POLA1: variants seen among roughly 807,000 people sequenced by gnomAD.
POLA1 encodes the protein DNA polymerase alpha 1, catalytic subunit, also known as DNA polymerase alpha catalytic subunit.
A neutral mutation model predicts 124.0 loss-of-function variants in POLA1; 15 were observed. The ratio of observed to expected loss-of-function variants is 0.12; its 90% CI spans 0.08 to 0.19. The LOEUF is 0.19. Ranked by LOEUF, POLA1 falls within the 10% of genes least tolerant of loss-of-function variation. The probability of loss-of-function intolerance (pLI) is 1.00; values close to 1 mark genes in which losing one functional copy is unlikely to be tolerated. For synonymous variants in POLA1, 408 were observed against 389.4 expected (o/e 1.05, Z -0.56); for missense variants, 886 against 1,103.4 (o/e 0.80, Z 2.79).
intron 26 of POLA1, among the ~76,000 whole-genome samples, chrX:24,755,600 G>T (rs1434440306): frequency 1.8e-5 from 2 of 111,699 alleles, no homozygotes; most frequent in Non-Finnish European, 3.8e-5. Context: ...CATTTGTGCT[G>T]CAGAGATCTC....
At chrX:24,788,765 T>C (rs2045425205) in intron 26 of POLA1, 1 of 1,199,567 alleles carries the variant, frequency 8.3e-7, no homozygotes, top group African/African-American at 1.8e-5. Context: ...TCCAAAGAGG[T>C]CAATGTCATC....
At chrX:24,716,279 G>T in intron 6 of POLA1, 83 bp from the exon 7 acceptor site, 1 of 518,338 alleles carries the variant, frequency 1.9e-6, no homozygotes. Flanking sequence ...TTGCTTATTG[G>T]GCTTCAATGA....
intron 35 of POLA1, among the ~76,000 whole-genome samples, chrX:24,920,124 G>A (rs755656190): frequency 4.5e-5 from 5 of 110,160 alleles, no homozygotes; most frequent in Non-Finnish European, 7.6e-5. Flanking sequence ...TGGGATTACA[G>A]GCATGAGTCA....
chrX:24,950,003 A>G (rs926957213), intron 36 of POLA1, among the ~76,000 whole-genome samples: 3 of 111,745 alleles, frequency 2.7e-5, no homozygotes, highest in African/African-American at 9.8e-5. Flanking sequence ...AAGTGCTGGG[A>G]TTACAGGTGT....
In POLA1 at chrX:24,996,080, T is replaced by C. The variant is rs2048602878; in HGVS notation, c.*130T>C. The stretch of plus-strand genomic sequence containing the variant: ...GGACTGTGTCTCATGTTTGTGTGAA[T>C]GTAGACCAGGAAAGGGGGCTGCAAA... On this transcript the variant is annotated 3_prime_UTR_variant, in exon 37 of 37. Coordinates refer to ENST00000379068, the MANE Select transcript of POLA1 (RefSeq NM_001330360.2). 3.5e-6 allele frequency: 2 copies of C among 569,362 alleles called. No homozygotes were observed. The allele number at this position is 569,362 out of a possible 1,213,427, so 46.9% of individuals were successfully genotyped here.
intron 26 of POLA1, among the ~76,000 whole-genome samples, chrX:24,809,302 C>G (rs1267534208): frequency 9.0e-6 from 1 of 111,434 alleles, no homozygotes; most frequent in Non-Finnish European, 1.9e-5. Context: ...CACGTTGTAA[C>G]CTAAATATCT....
intron 34 of POLA1, among the ~76,000 whole-genome samples, chrX:24,867,186 G>A (rs1339790796): frequency 9.0e-6 from 1 of 111,087 alleles, no homozygotes; most frequent in Non-Finnish European, 1.9e-5. Context: ...TTCTTGAAAT[G>A]TTTAGTAGGT....
chrX:24,695,092 C>G (rs1391261171), intron 1 of POLA1, among the ~76,000 whole-genome samples: 4 of 111,559 alleles, frequency 3.6e-5, no homozygotes, highest in Non-Finnish European at 7.5e-5. Context: ...GGATACTGTG[C>G]AATCTTGAGA....
intron 34 of POLA1, among the ~76,000 whole-genome samples, chrX:24,871,134 C>G (rs755826977): frequency 3.6e-5 from 4 of 112,081 alleles, no homozygotes; most frequent in African/African-American, 1.3e-4. Flanking sequence ...AGCACTCTGC[C>G]TCAACCTGGC....
intron 36 of POLA1, among the ~76,000 whole-genome samples, chrX:24,937,666 G>A (rs763389427): frequency 3.6e-5 from 4 of 111,499 alleles, no homozygotes; most frequent in East Asian, 5.6e-4. Flanking sequence ...TAGGCATCAC[G>A]TGGAAGCTTG....
At chrX:24,873,622 TAA>T (rs771207014) in intron 34 of POLA1, among the ~76,000 whole-genome samples, 11 of 111,913 alleles carry the variant, frequency 9.8e-5, no homozygotes, top group Non-Finnish European at 1.9e-4. Context: ...GTGTATATGA[TAA>T]ACTTTCATTT....
Position 24,732,286 on chromosome X carries a change from TTAAA to T in POLA1, c.1687-81_1687-78del. The stretch of plus-strand genomic sequence containing the variant: ...TTCATATGTGTTTAAATGTGTATCT[TTAAA>T]TATTCTTGGTGATTTTGGTGAGAAT... On this transcript the variant is annotated intron_variant, in intron 15 of 36. Transcript: ENST00000379068. 4.6e-6 allele frequency: 3 copies of T among 648,735 alleles called. No individual in the cohort carries two copies. The South Asian group carries it at 7.3e-5, about 16-fold the overall frequency. 53.5% of individuals were successfully genotyped at this position (648,735 alleles called of 1,213,427 possible).
At chrX:24,832,856 T>C (rs975793125) in intron 32 of POLA1, among the ~76,000 whole-genome samples, 16 of 112,250 alleles carry the variant, frequency 1.4e-4, no homozygotes, top group South Asian at 3.7e-4. Flanking sequence ...AATAAGACAG[T>C]TTTTTCCAAA....
intron 34 of POLA1, among the ~76,000 whole-genome samples, chrX:24,873,938 C>CA (rs1417972681): frequency 1.8e-5 from 2 of 111,959 alleles, no homozygotes; most frequent in Non-Finnish European, 3.8e-5. Flanking sequence ...TTTACACTTG[C>CA]AGCCCATCTC....
At chrX:24,844,431 A>AATTT (rs1220713435) in intron 34 of POLA1, among the ~76,000 whole-genome samples, 1 of 109,593 alleles carries the variant, frequency 9.1e-6, no homozygotes, top group African/African-American at 3.3e-5. Flanking sequence ...GTTACTTGAA[A>AATTT]GTTTACTGTA....
At chrX:24,967,433 G>A (rs2048235838) in intron 36 of POLA1, among the ~76,000 whole-genome samples, 1 of 110,638 alleles carries the variant, frequency 9.0e-6, no homozygotes, top group African/African-American at 3.3e-5. Context: ...ACTTTGGGAG[G>A]CTGAGGTGGG....
intron 4 of POLA1, among the ~76,000 whole-genome samples, chrX:24,711,333 C>CT (rs1223707621): frequency 8.9e-6 from 1 of 112,373 alleles, no homozygotes; most frequent in Non-Finnish European, 1.9e-5. Context: ...TTGTACTTTG[C>CT]TTTTTTCTTG....
rs373621116 is a variant in POLA1, at chrX:24,741,358, C to T, written c.2217-17C>T. ...TTTAATTACTTGATTCTGTTTCATTCTTACTTTTCTGTACAGTGAATCTTC... is the reference window on the plus strand; with the variant it reads ...TTTAATTACTTGATTCTGTTTCATTTTTACTTTTCTGTACAGTGAATCTTC... On this transcript the variant is annotated splice_polypyrimidine_tract_variant and intron_variant, in intron 20 of 36. Coordinates refer to ENST00000379068, the MANE Select transcript of POLA1 (RefSeq NM_001330360.2). The T allele has an allele frequency of 4.2e-5, 49 of 1,154,409 alleles. No individual in the cohort carries two copies. The highest frequency in any genetic ancestry group is 5.5e-5 in the Non-Finnish European group (47 of 851,936).
At chrX:24,801,832 G>A (rs762714024) in intron 26 of POLA1, among the ~76,000 whole-genome samples, 1 of 109,565 alleles carries the variant, frequency 9.1e-6, no homozygotes, top group Non-Finnish European at 1.9e-5. Context: ...TGAGGTCATC[G>A]CACAGCTTAT....
Sources: gnomAD v4.1 joint callset for allele counts (sites outside exome capture counted in the v4.1 genomes callset) on GRCh38, gnomAD v4.1.1 for gene constraint, MANE v1.5 for transcripts, NCBI Gene and HGNC (gene_info 2026-07-23, HGNC 2026-07-21) for gene names.